Variants in LHPP observed in about 807,000 individuals in gnomAD.
LHPP encodes phospholysine phosphohistidine inorganic pyrophosphate phosphatase, also known as hLHPP.
In LHPP, 24 loss-of-function variants were observed where a neutral mutation model predicts 30.3. The observed-to-expected ratio is 0.79, with a 90% confidence interval of 0.57 to 1.11. The LOEUF (loss-of-function observed/expected upper bound fraction) is 1.11. Ranked by LOEUF, LHPP falls within the 50% of genes most tolerant of loss-of-function variation. The probability of loss-of-function intolerance (pLI) is 0.00; values close to 1 mark genes in which losing one functional copy is unlikely to be tolerated. For synonymous variants in LHPP, 150 were observed against 157.1 expected (o/e 0.95, Z 0.34); for missense variants, 356 against 367.2 (o/e 0.97, Z 0.25).
chr10:124,574,011 G>T (rs4962654), intron 6 of LHPP, among the ~76,000 whole-genome samples: 6 of 151,846 alleles, frequency 4.0e-5, no homozygotes, highest in Admixed American at 1.3e-4. Context: ...CTGCCCCACA[G>T]GTGTCACCCA....
At chr10:124,469,995 G>A (rs1952679108) in intron 1 of LHPP, among the ~76,000 whole-genome samples, 1 of 152,188 alleles carries the variant, frequency 6.6e-6, no homozygotes, top group African/African-American at 2.4e-5. Context: ...GGCCACACTG[G>A]TGCTGCTGGC....
At chr10:124,487,222 C>G (rs1176638881) in intron 2 of LHPP, among the ~76,000 whole-genome samples, 1 of 152,142 alleles carries the variant, frequency 6.6e-6, no homozygotes, top group Admixed American at 6.6e-5. Flanking sequence ...TGGGTAAATA[C>G]CTAGCAGCGA....
intron 6 of LHPP, among the ~76,000 whole-genome samples, chr10:124,556,050 A>T (rs972147784): frequency 1.1e-4 from 17 of 152,204 alleles, no homozygotes; most frequent in Admixed American, 1.1e-3. Context: ...AGCCTTGCAA[A>T]GGCCACAGTT....
chr10:124,524,657 G>A (rs1954688728), intron 6 of LHPP, among the ~76,000 whole-genome samples: 2 of 152,058 alleles, frequency 1.3e-5, no homozygotes, highest in Non-Finnish European at 2.9e-5. Context: ...AACATAGCGA[G>A]ACCTCATTTC....
intron 6 of LHPP, among the ~76,000 whole-genome samples, chr10:124,574,108 C>T (rs1367365653): frequency 6.6e-6 from 1 of 152,132 alleles, no homozygotes; most frequent in Non-Finnish European, 1.5e-5. Context: ...GTTCTGCCTC[C>T]CATAGACCAC....
intron 6 of LHPP, among the ~76,000 whole-genome samples, chr10:124,579,023 T>C (rs995029743): frequency 6.9e-6 from 1 of 145,740 alleles, no homozygotes; most frequent in Non-Finnish European, 1.5e-5. Flanking sequence ...CACACTCCCC[T>C]GAGGCTGTTC....
Position 124,462,083 on chromosome 10 carries a change from C to A in LHPP, c.125+96C>A, listed in dbSNP as rs1024503522. ...GGGGCGGGGCGGCAGGGGGCGGGGC[C>A]GCGGCGCAGGCCCCGCCTCGGTCTC... On this transcript the variant is annotated intron_variant, in intron 1 of 6. Coordinates refer to ENST00000368842, the MANE Select transcript of LHPP (RefSeq NM_022126.4). The A allele has an allele frequency of 2.7e-5, 29 of 1,084,702 alleles. No homozygotes were observed. In the African/African-American group the frequency reaches 4.7e-4, roughly 17 times the overall value. 67.2% of individuals were successfully genotyped at this position (1,084,702 alleles called of 1,614,324 possible). A position where few individuals can be genotyped will look rare whatever the true frequency, so the allele number is the denominator to read the frequency against.
At chr10:124,501,800 T>C (rs1332852727) in intron 5 of LHPP, among the ~76,000 whole-genome samples, 3 of 151,842 alleles carry the variant, frequency 2.0e-5, no homozygotes, top group Admixed American at 2.0e-4. Flanking sequence ...TATTATTTAA[T>C]AGCAACCCAT....
At chr10:124,504,311 G>A (rs769700788) in intron 5 of LHPP, among the ~76,000 whole-genome samples, 3 of 151,818 alleles carry the variant, frequency 2.0e-5, no homozygotes, top group Non-Finnish European at 4.4e-5. Flanking sequence ...ATAAGACCTG[G>A]CCAGGTGCCA....
intron 5 of LHPP, among the ~76,000 whole-genome samples, chr10:124,516,677 C>T (rs994714907): frequency 6.6e-6 from 1 of 152,128 alleles, no homozygotes; most frequent in Non-Finnish European, 1.5e-5. Flanking sequence ...TGAGCATTTC[C>T]TCTGTGTGTG....
Position 124,553,680 on chromosome 10 carries a change from C to T in LHPP, c.716+36409C>T, listed in dbSNP as rs1368377830. 2.6e-5 allele frequency among the ~76,000 whole-genome samples: 4 copies of T among 152,096 alleles called. No homozygotes were observed. In the South Asian group the frequency reaches 8.3e-4, roughly 31 times the overall value. ...TTCACCGTGTTAGCCAGGATGGTCT[C>T]GATCTCCTGACCTTGTGATCCGCCC... On this transcript the variant is annotated intron_variant, in intron 6 of 6. Coordinates refer to ENST00000368842, the MANE Select transcript of LHPP (RefSeq NM_022126.4).
intron 6 of LHPP, among the ~76,000 whole-genome samples, chr10:124,556,541 A>G (rs1449188017): frequency 6.6e-6 from 1 of 152,174 alleles, no homozygotes; most frequent in Non-Finnish European, 1.5e-5. Context: ...ATAACTTCTC[A>G]CACATGGAAT....
In LHPP at chr10:124,576,040, G is replaced by A. The variant is rs190314075; in HGVS notation, c.717-37224G>A. On this transcript the variant is annotated intron_variant, in intron 6 of 6. Transcript: ENST00000368842. This position sits in a 1 kb window ranked among gnomAD's most constrained non-coding sequence, Gnocchi z 4.2. ...GTGCTTCATGAGAAAGGTATGAGCC[G>A]AAAGAAATGGGGGTTCCCACTGGAT... Among the ~76,000 whole-genome samples, 3 of 152,292 alleles carry A rather than the reference G, an allele frequency of 2.0e-5. No homozygotes were observed. Among genetic ancestry groups the A allele is most frequent in the Admixed American group, 6.5e-5 (1 of 15,300 alleles).
At chr10:124,585,085 T>A (rs552734484) in intron 6 of LHPP, among the ~76,000 whole-genome samples, 1 of 152,308 alleles carries the variant, frequency 6.6e-6, no homozygotes, top group South Asian at 2.1e-4. Context: ...AATCAAAAAA[T>A]ATATATAGAG....
At chr10:124,565,778 C>T (rs1948478289) in intron 6 of LHPP, among the ~76,000 whole-genome samples, 1 of 152,190 alleles carries the variant, frequency 6.6e-6, no homozygotes, top group Admixed American at 6.5e-5. Flanking sequence ...TGGCCTTTCT[C>T]AAGGTCACAG....
intron 3 of LHPP, among the ~76,000 whole-genome samples, chr10:124,494,441 A>G (rs992170993): frequency 2.0e-4 from 30 of 152,140 alleles, no homozygotes; most frequent in African/African-American, 6.3e-4. Context: ...CTGGGTAAGC[A>G]TTTCCTGTGT....
At chr10:124,526,550 G>A (rs1256789935) in intron 6 of LHPP, among the ~76,000 whole-genome samples, 1 of 152,186 alleles carries the variant, frequency 6.6e-6, no homozygotes, top group African/African-American at 2.4e-5. Flanking sequence ...GCAGGGGCCG[G>A]GCCTCACAAA....
intron 6 of LHPP, among the ~76,000 whole-genome samples, chr10:124,597,008 G>A (rs867969058): frequency 7.2e-5 from 11 of 152,212 alleles, no homozygotes; most frequent in African/African-American, 2.7e-4. Context: ...ATGGAGGAAG[G>A]TGGGAAGACT....
intron 1 of LHPP, among the ~76,000 whole-genome samples, chr10:124,465,280 G>T (rs1952524398): frequency 6.6e-6 from 1 of 152,180 alleles, no homozygotes; most frequent in Non-Finnish European, 1.5e-5. Context: ...AGGGCGTGGG[G>T]TGGGGGAGTG....
Sources: gnomAD v4.1 joint callset for allele counts (sites outside exome capture counted in the v4.1 genomes callset) on GRCh38, gnomAD v4.1.1 for gene constraint, Gnocchi (gnomAD v3.1) non-coding constraint, MANE v1.5 for transcripts, NCBI Gene and HGNC (gene_info 2026-07-23, HGNC 2026-07-21) for gene names.